The following GPRIN3 variants were observed in gnomAD, a reference collection of about 807,000 sequenced individuals.
The protein encoded by GPRIN3 is G protein-regulated inducer of neurite outgrowth 3.
A neutral mutation model predicts 13.7 loss-of-function variants in GPRIN3; 12 were observed. The observed-to-expected ratio is 0.87, with a 90% CI of 0.56 to 1.42. The LOEUF is 1.42. GPRIN3 is among the 40% of genes most tolerant of loss of function. The probability of loss-of-function intolerance (pLI) is 0.00; values close to 1 mark genes in which losing one functional copy is unlikely to be tolerated. For synonymous variants in GPRIN3, 377 were observed against 372.7 expected, an observed-to-expected ratio of 1.01 and a Z score of -0.13; for missense variants, 1,009 against 958.7, an observed-to-expected ratio of 1.05 and a Z score of -0.69.
chr4:89,279,453 T>C (rs1724185279), intron 1 of GPRIN3, among the ~76,000 whole-genome samples: 1 of 152,160 alleles, frequency 6.6e-6, no homozygotes, highest in Non-Finnish European at 1.5e-5. Context: ...ATGTAGCTAC[T>C]GACTTACATA....
rs1028706767 is a variant in GPRIN3 at position 89,248,524 on chromosome 4, G to A, written c.1587C>T (p.Pro529=). Residue 529 remains proline, a synonymous_variant, in exon 2 of 2, where the codon CCC becomes CCT. Coordinates refer to ENST00000609438, the MANE Select transcript of GPRIN3 (RefSeq NM_198281.3). ...TTTCCCTTGCATCTCCTTTATTAGT[G>A]GGATCCAAGCTCCCAGAATGATCAG... ...SKADHSGSLD[P]TNKGDAREKK... 1 of 1,613,154 alleles carries A rather than the reference G, an allele frequency of 6.2e-7. No individual in the cohort carries two copies. Among genetic ancestry groups the A allele is most frequent in the African/African-American group, 1.3e-5 (1 of 74,838 alleles).
chr4:89,299,219 CAT>C (rs1724823254), intron 1 of GPRIN3, among the ~76,000 whole-genome samples: 2 of 152,110 alleles, frequency 1.3e-5, no homozygotes, highest in Admixed American at 1.3e-4. Context: ...TCAAAGAAAG[CAT>C]AGAGTCAATG....
intron 1 of GPRIN3, among the ~76,000 whole-genome samples, chr4:89,296,578 T>C (rs1190246084): frequency 6.6e-6 from 1 of 152,196 alleles, no homozygotes; most frequent in Non-Finnish European, 1.5e-5. Flanking sequence ...ACGGAAACAC[T>C]AGTTCTATAA....
chr4:89,257,228 G>A (rs965034676), intron 1 of GPRIN3, among the ~76,000 whole-genome samples: 8 of 152,118 alleles, frequency 5.3e-5, no homozygotes, highest in East Asian at 1.9e-4. Context: ...AGGCTCATGA[G>A]AAACAAGCTG....
At chr4:89,271,682 C>T (rs1320361328) in intron 1 of GPRIN3, among the ~76,000 whole-genome samples, 4 of 151,794 alleles carry the variant, frequency 2.6e-5, no homozygotes, top group Non-Finnish European at 5.9e-5. Flanking sequence ...AGAGGGCTGG[C>T]TGTATTGGGG....
intron 1 of GPRIN3, among the ~76,000 whole-genome samples, chr4:89,261,732 T>C (rs1723632465): frequency 6.6e-6 from 1 of 152,182 alleles, no homozygotes; most frequent in Middle Eastern, 3.2e-3. Context: ...TAAATGTCCA[T>C]TAATAAGAAG....
chr4:89,258,475 A>G (rs1723542217), intron 1 of GPRIN3, among the ~76,000 whole-genome samples: 1 of 152,062 alleles, frequency 6.6e-6, no homozygotes, highest in African/African-American at 2.4e-5. Context: ...CGACCTCCCA[A>G]AGTGCTGGGA....
At chr4:89,261,646 A>G (rs536799140) in intron 1 of GPRIN3, among the ~76,000 whole-genome samples, 4 of 152,366 alleles carry the variant, frequency 2.6e-5, no homozygotes, top group African/African-American at 9.6e-5. Flanking sequence ...TGTTGTAAGT[A>G]AACTAAATAA....
At chr4:89,303,580 A>G (rs903637631) in intron 1 of GPRIN3, among the ~76,000 whole-genome samples, 1 of 152,142 alleles carries the variant, frequency 6.6e-6, no homozygotes, top group Non-Finnish European at 1.5e-5. Flanking sequence ...AAGGTCAAAT[A>G]TACAGAGCTA....
intron 1 of GPRIN3, among the ~76,000 whole-genome samples, chr4:89,291,958 C>T (rs1235799000): frequency 6.6e-6 from 1 of 151,558 alleles, no homozygotes; most frequent in Non-Finnish European, 1.5e-5. Flanking sequence ...TTCCTCCTTT[C>T]CCTTCATTTG....
chr4:89,255,051 T>C (rs1466961660), intron 1 of GPRIN3, among the ~76,000 whole-genome samples: 5 of 152,304 alleles, frequency 3.3e-5, no homozygotes, highest in African/African-American at 1.2e-4. Context: ...CCTGGGGTTG[T>C]GTGTGCAGCT....
At chr4:89,297,176 C>T (rs1363561709) in intron 1 of GPRIN3, among the ~76,000 whole-genome samples, 1 of 152,168 alleles carries the variant, frequency 6.6e-6, no homozygotes, top group Admixed American at 6.5e-5. Flanking sequence ...TTTAGTAGTA[C>T]AAACCTCAGA....
chr4:89,269,775 T>C (rs1723877660), intron 1 of GPRIN3, among the ~76,000 whole-genome samples: 1 of 152,178 alleles, frequency 6.6e-6, no homozygotes, highest in African/African-American at 2.4e-5. Flanking sequence ...TGCTACAAAA[T>C]AATCCAATCT....
rs1723131149 is a variant in GPRIN3 at position 89,247,336 on chromosome 4, A to G, written c.*444T>C. 6.5e-6 allele frequency: 1 copy of G among 154,276 alleles called. No individual in the cohort carries two copies. Among genetic ancestry groups the G allele is most frequent in the Non-Finnish European group, 1.4e-5 (1 of 69,514 alleles). 9.6% of individuals were successfully genotyped at this position (154,276 alleles called of 1,614,324 possible). ...GTGTGGTTACAGCATTCTTACTGCAATAAGACTAGAAATTATAACAATGTT... is the reference window on the plus strand; with the variant it reads ...GTGTGGTTACAGCATTCTTACTGCAGTAAGACTAGAAATTATAACAATGTT... On this transcript the variant is annotated 3_prime_UTR_variant, in exon 2 of 2. Coordinates refer to ENST00000609438, the MANE Select transcript of GPRIN3 (RefSeq NM_198281.3).
At chr4:89,290,767 T>C (rs1079070) in intron 1 of GPRIN3, among the ~76,000 whole-genome samples, 77,148 of 151,990 alleles carry the variant, frequency 0.51, 22,002 homozygotes, top group Non-Finnish European at 0.63. Flanking sequence ...ATTTCTCATT[T>C]AATAAGACCT....
In GPRIN3 at chr4:89,249,026, C is replaced by T. The variant is rs1561180195; in HGVS notation, c.1085G>A (p.Cys362Tyr). Residue 362 changes from cysteine (C) to tyrosine (Y), a missense_variant, in exon 2 of 2, where the codon TGC becomes TAC. Coordinates refer to ENST00000609438, the MANE Select transcript of GPRIN3 (RefSeq NM_198281.3). ...CAGTGTGTGGCTCCCACTGCTGTGG[C>T]AAATGACACGCAGCTGCTCTTGTTC... ...HFEQEQLRVI[C>Y]HSSGSHTLEL... 1 of 1,614,168 alleles carries T rather than the reference C, an allele frequency of 6.2e-7. No individual in the cohort carries two copies. The highest frequency in any genetic ancestry group is 2.2e-5 in the East Asian group (1 of 44,856).
chr4:89,304,929 A>C (rs893988383), intron 1 of GPRIN3, among the ~76,000 whole-genome samples: 2 of 152,244 alleles, frequency 1.3e-5, no homozygotes, highest in African/African-American at 2.4e-5. Context: ...AAAATAATTA[A>C]GACTTTTCCC....
intron 1 of GPRIN3, among the ~76,000 whole-genome samples, chr4:89,296,866 G>GT (rs1413924873): frequency 1.5e-4 from 23 of 152,026 alleles, no homozygotes; most frequent in Non-Finnish European, 2.9e-4. Flanking sequence ...AACTCACCCT[G>GT]TGTTTTTTTA....
chr4:89,261,877 G>A (rs559375585), intron 1 of GPRIN3, among the ~76,000 whole-genome samples: 3 of 152,230 alleles, frequency 2.0e-5, no homozygotes, highest in South Asian at 4.2e-4. Context: ...TCGGGAGGCT[G>A]TAGGGGGGTG....
Sources: allele counts gnomAD v4.1 joint callset (sites outside exome capture counted in the v4.1 genomes callset), GRCh38; gene constraint gnomAD v4.1.1; transcripts MANE v1.5; gene names NCBI Gene and HGNC (gene_info 2026-07-23, HGNC 2026-07-21).